Variants in LPIN2 observed in about 807,000 individuals in gnomAD.
LPIN2 encodes phosphatidate phosphatase LPIN2.
LPIN2 carries 55 observed loss-of-function variants against 111.4 expected under a neutral mutation model. That is an observed-to-expected ratio of 0.49 (90% CI 0.40 to 0.62). The LOEUF (loss-of-function observed/expected upper bound fraction) is 0.62, where lower values mean the gene tolerates loss of function less well. Among genes scored for constraint, LPIN2 ranks in the 20% least tolerant of loss-of-function variants. LPIN2 has a pLI of 0.00. For synonymous variants in LPIN2, 425 were observed against 414.0 expected (o/e 1.03, Z -0.32); for missense variants, 992 against 1,112.1 (o/e 0.89, Z 1.54).
At chr18:2,959,131 C>G (rs989198111) in intron 2 of LPIN2, among the ~76,000 whole-genome samples, 3 of 152,180 alleles carry the variant, frequency 2.0e-5, no homozygotes, top group Admixed American at 6.5e-5. Context: ...TGGAAAGTTT[C>G]TAAGTCCCTA....
Position 2,920,240 on chromosome 18 carries a change from TC to T in LPIN2, c.*52del. 1 of 1,611,636 alleles carries T rather than the reference TC, an allele frequency of 6.2e-7. No homozygotes were observed. Among genetic ancestry groups the T allele is most frequent in the Non-Finnish European group, 8.5e-7 (1 of 1,178,468 alleles). The stretch of plus-strand genomic sequence containing the variant: ...AGGTCAGCAGAAGAGCCAGCTGCCT[TC>T]CCTTGCTGTGGGGAGGGGGACCAAG... On this transcript the variant is annotated 3_prime_UTR_variant, in exon 20 of 20. Coordinates refer to ENST00000677752, the MANE Select transcript of LPIN2 (RefSeq NM_001375808.2).
intron 2 of LPIN2, among the ~76,000 whole-genome samples, chr18:2,959,782 T>C (rs2077679281): frequency 6.6e-6 from 1 of 152,188 alleles, no homozygotes; most frequent in African/African-American, 2.4e-5. Context: ...GGACAAGTCC[T>C]GGTATCAACA....
intron 1 of LPIN2, among the ~76,000 whole-genome samples, chr18:2,969,899 C>T (rs1251065680): frequency 6.6e-6 from 1 of 152,164 alleles, no homozygotes; most frequent in Admixed American, 6.5e-5. Flanking sequence ...GGCTCAAGTT[C>T]ACATCCTGTC....
At chr18:3,000,921 G>A (rs1390672010) in intron 1 of LPIN2, among the ~76,000 whole-genome samples, 1 of 57,196 alleles carries the variant, frequency 1.7e-5, no homozygotes, top group African/African-American at 5.5e-5. Flanking sequence ...AACAAAGAAA[G>A]GTGCTAAAAA....
At chr18:3,012,329 A>G (rs2078617914) in intron 1 of LPIN2, among the ~76,000 whole-genome samples, 1 of 152,238 alleles carries the variant, frequency 6.6e-6, no homozygotes, top group Non-Finnish European at 1.5e-5. Context: ...GGTTTGCATA[A>G]TTATGCCTAA....
chr18:3,000,986 G>A (rs897177023), intron 1 of LPIN2, among the ~76,000 whole-genome samples: 2 of 150,904 alleles, frequency 1.3e-5, no homozygotes, highest in Admixed American at 6.6e-5. Context: ...GGGAGAGGGA[G>A]GGAGAGAGAG....
At position 2,920,356 on chromosome 18, in the gene LPIN2, C is replaced by T. The variant is rs2144110086; in HGVS notation, c.2628G>A (p.Glu876=). The T allele has an allele frequency of 6.2e-7, 1 of 1,614,160 alleles. No individual in the cohort carries two copies. Among genetic ancestry groups the T allele is most frequent in the South Asian group, 1.1e-5 (1 of 91,090 alleles). Residue 876 remains glutamate (E), a synonymous_variant, in exon 20 of 20, where the codon GAG becomes GAA. Coordinates refer to ENST00000677752, the MANE Select transcript of LPIN2 (RefSeq NM_001375808.2). ...KEQNSAFPCP[E]FSSFCYWRDP... is the part of the protein sequence containing the mutation. ...CTCGCCAGTAGCAGAAGGAGCTGAACTCCGGGCAGGGAAAAGCGGAATTCT... is the reference window on the plus strand; with the variant it reads ...CTCGCCAGTAGCAGAAGGAGCTGAATTCCGGGCAGGGAAAAGCGGAATTCT...
At chr18:2,996,699 G>C (rs1462783541) in intron 1 of LPIN2, among the ~76,000 whole-genome samples, 22 of 151,640 alleles carry the variant, frequency 1.5e-4, no homozygotes, top group Non-Finnish European at 1.5e-4. Flanking sequence ...GGATGGTCTC[G>C]ATCTCCTGAC....
chr18:2,997,666 G>A (rs867173565), intron 1 of LPIN2, among the ~76,000 whole-genome samples: 3 of 152,144 alleles, frequency 2.0e-5, no homozygotes, highest in Non-Finnish European at 4.4e-5. Context: ...TGTGGGGGGA[G>A]AGCAGGCTCT....
chr18:2,996,467 CTTTT>C (rs1179106649), intron 1 of LPIN2, among the ~76,000 whole-genome samples: 52 of 84,984 alleles, frequency 6.1e-4, no homozygotes, highest in African/African-American at 2.0e-3. Flanking sequence ...AGGAAAATAT[CTTTT>C]TTTTTTTTTT....
In LPIN2 at chr18:2,958,158, C is replaced by CAAAAAAAAAA. The variant is rs1555678271; in HGVS notation, c.192+2490_192+2491insTTTTTTTTTT. Among the ~76,000 whole-genome samples the CAAAAAAAAAA allele has an allele frequency of 5.7e-5, 2 of 35,352 alleles. 1 individual carries two copies. The highest frequency in any genetic ancestry group is 1.0e-4 in the Non-Finnish European group (2 of 19,334). The allele number at this position is 35,352 out of a possible 152,430, so 23.2% of individuals were successfully genotyped here. On this transcript the variant is annotated intron_variant, in intron 2 of 19. Transcript: ENST00000677752. ...CTCCATCTCAAAAAAAAAAAAAAAA[C>CAAAAAAAAAA]AACAAAAAAAAAAAACAGAAAAAAG...
At chr18:2,950,599 T>C in intron 4 of LPIN2, 1 of 202,442 alleles carries the variant, frequency 4.9e-6, no homozygotes, top group Non-Finnish European at 1.0e-5. Flanking sequence ...ACAGAGCAGG[T>C]AAATAAGCAG....
rs776326088 is a variant in LPIN2, at chr18:2,920,033, CAT to C, written c.*258_*259del. On this transcript the variant is annotated 3_prime_UTR_variant, in exon 20 of 20. Transcript: ENST00000677752. ...GGAGGCCCCAGCTCACAGCAGGAAA[CAT>C]GTGTGCGACCCACAAAGGAGGGATC... 93 of 566,968 alleles carry C rather than the reference CAT, an allele frequency of 1.6e-4. No homozygotes were observed. Among genetic ancestry groups the C allele is most frequent in the South Asian group, 1.0e-3 (50 of 49,844 alleles). 35.1% of individuals were successfully genotyped at this position (566,968 alleles called of 1,614,324 possible).
chr18:2,969,961 A>G (rs1397960787), intron 1 of LPIN2, among the ~76,000 whole-genome samples: 1 of 152,224 alleles, frequency 6.6e-6, no homozygotes, highest in Non-Finnish European at 1.5e-5. Context: ...GAAGCAATAG[A>G]TAGTAATAGA....
intron 11 of LPIN2, 30 bp from the exon 12 acceptor site, chr18:2,927,841 G>A: frequency 6.3e-7 from 1 of 1,587,544 alleles, no homozygotes; most frequent in Non-Finnish European, 8.7e-7. Flanking sequence ...GTTAGTCTGG[G>A]CAATCTACTG....
At chr18:2,964,454 A>G (rs1175316327) in intron 1 of LPIN2, among the ~76,000 whole-genome samples, 1 of 152,138 alleles carries the variant, frequency 6.6e-6, no homozygotes, top group Non-Finnish European at 1.5e-5. Context: ...ATGAGGTCAC[A>G]TGGGTGGAGC....
intron 1 of LPIN2, among the ~76,000 whole-genome samples, chr18:3,002,615 A>G (rs2078450703): frequency 6.6e-6 from 1 of 152,218 alleles, no homozygotes; most frequent in African/African-American, 2.4e-5. Context: ...TGTGCATAAC[A>G]TTTGTATACA....
chr18:3,004,447 C>A (rs930235818), intron 1 of LPIN2, among the ~76,000 whole-genome samples: 1 of 152,128 alleles, frequency 6.6e-6, no homozygotes, highest in Non-Finnish European at 1.5e-5. Context: ...ACAGAAAGAA[C>A]CTATATTAAA....
At chr18:2,994,840 A>G (rs1015933197) in intron 1 of LPIN2, among the ~76,000 whole-genome samples, 3 of 152,164 alleles carry the variant, frequency 2.0e-5, no homozygotes, top group Non-Finnish European at 4.4e-5. Flanking sequence ...TGCAGCTGAG[A>G]ACCACTGGTT....
Sources: allele counts gnomAD v4.1 joint callset (sites outside exome capture counted in the v4.1 genomes callset), GRCh38; gene constraint gnomAD v4.1.1; transcripts MANE v1.5; gene names NCBI Gene and HGNC (gene_info 2026-07-23, HGNC 2026-07-21).